ZNF711: variants seen among roughly 807,000 people sequenced by gnomAD.
ZNF711 encodes ZFX family zinc finger ZNF711, also known as zinc finger protein 711.
In ZNF711, 3 loss-of-function variants were observed where a neutral mutation model predicts 43.5. The ratio of observed to expected loss-of-function variants is 0.07; its 90% confidence interval spans 0.03 to 0.18. The LOEUF (loss-of-function observed/expected upper bound fraction) is 0.18, where lower values mean the gene tolerates loss of function less well. Among genes scored for constraint, ZNF711 ranks in the 10% least tolerant of loss-of-function variants. The pLI, the probability that ZNF711 is intolerant of heterozygous loss-of-function variation, is 1.00. For missense variants in ZNF711, 412 were observed against 604.0 expected, an observed-to-expected ratio of 0.68 and a Z score of 3.33; for synonymous variants, 209 against 207.7, an observed-to-expected ratio of 1.01 and a Z score of -0.06.
At position 85,264,300 on chromosome X, in the gene ZNF711, G is replaced by A; in HGVS notation, c.648G>A (p.Glu216=). 8.3e-7 allele frequency: 1 copy of A among 1,203,153 alleles called. No homozygotes were observed. Among genetic ancestry groups the A allele is most frequent in the Non-Finnish European group, 1.1e-6 (1 of 888,730 alleles). The stretch of plus-strand genomic sequence containing the variant: ...TGGATGATGTTGGAGAAAAATTAGA[G>A]CATATGGGGAATACACCATTAAAAA... ...ISLDDVGEKL[E]HMGNTPLKIG... The change falls in exon 6 of 11, where the codon GAG becomes GAA. Residue 216 remains glutamate (E), a synonymous_variant. Transcript: ENST00000674551.
intron 4 of ZNF711, among the ~76,000 whole-genome samples, chrX:85,250,264 G>A (rs1258637639): frequency 9.0e-6 from 1 of 111,291 alleles, no homozygotes; most frequent in Non-Finnish European, 1.9e-5. Context: ...GAGCCTCTTG[G>A]AATTTTTTTT....
At position 85,270,166 on chromosome X, in the gene ZNF711, A is replaced by G. The variant is rs373050303; in HGVS notation, c.1246+20A>G. The G allele has an allele frequency of 5.9e-4, 701 of 1,192,953 alleles. No homozygotes were observed. The highest frequency in any genetic ancestry group is 7.5e-4 in the Non-Finnish European group (664 of 885,344). On this transcript the variant is annotated intron_variant, in intron 10 of 10. Coordinates refer to ENST00000674551, the MANE Select transcript of ZNF711 (RefSeq NM_001330574.2). ...AAACAGGTAAATACTTTGCTTTATGAATATTATAATTATTTGAGATGTGGA... is the reference window on the plus strand; with the variant it reads ...AAACAGGTAAATACTTTGCTTTATGGATATTATAATTATTTGAGATGTGGA...
chrX:85,270,896 A>T lies in ZNF711; in HGVS notation c.1492A>T (p.Thr498Ser). Residue 498 changes from threonine (T) to serine (S), a missense_variant, in exon 11 of 11, where the codon ACA (threonine) becomes TCA (serine). Thr to Ser is a moderately conservative substitution (Grantham distance 58). Around this residue, in one of 4 missense-constraint regions of ZNF711, gnomAD observed 375 missense variants for 514.2 expected, o/e 0.73. Transcript: ENST00000674551. ...VDKTHEFTEY[T>S]RRYREASPLS... Reference sequence around the variant, plus strand: ...CAAAACCCATGAATTTACAGAATACACACGAAGATACAGAGAGGCTAGTCC... The same window carrying T: ...CAAAACCCATGAATTTACAGAATACTCACGAAGATACAGAGAGGCTAGTCC... 1 of 1,210,406 alleles carries T rather than the reference A, an allele frequency of 8.3e-7. No homozygotes were observed. The highest frequency in any genetic ancestry group is 1.7e-5 in the African/African-American group (1 of 57,782).
chrX:85,261,607 T>A (rs1569266275), intron 5 of ZNF711, among the ~76,000 whole-genome samples: 1 of 111,378 alleles, frequency 9.0e-6, no homozygotes, highest in Non-Finnish European at 1.9e-5. Context: ...TACCTAACTT[T>A]TAAAAAGGAA....
At chrX:85,245,351 A>T (rs1928947804) in intron 1 of ZNF711, among the ~76,000 whole-genome samples, 2 of 112,552 alleles carry the variant, frequency 1.8e-5, no homozygotes, top group Non-Finnish European at 3.7e-5. Flanking sequence ...TGTGAGATAC[A>T]CTTAGAGAAG....
At chrX:85,264,189 C>A in intron 5 of ZNF711, 86 bp from the exon 6 acceptor site, 1 of 740,172 alleles carries the variant, frequency 1.4e-6, no homozygotes. Context: ...AGCTTAACAC[C>A]CACTAAATAG....
At chrX:85,246,403 A>G (rs1349357940) in intron 2 of ZNF711, among the ~76,000 whole-genome samples, 4 of 112,339 alleles carry the variant, frequency 3.6e-5, no homozygotes, top group Non-Finnish European at 7.5e-5. Flanking sequence ...TCTGTAGCAT[A>G]TTTATGTATA....
Position 85,270,030 on chromosome X carries a change from G to A in ZNF711, c.1130G>A (p.Ser377Asn), listed in dbSNP as rs1287937950. ...SGNTLDSALE[S>N]RSSTAAQYLQ... ...AATACTTTGGACTCAGCATTAGAAA[G>A]CAGAAGTAGTACAGCAGCACAGTAC... Residue 377 changes from serine to asparagine, a missense_variant, in exon 10 of 11, where the codon AGC (serine) becomes AAC (asparagine). This residue lies in a region of ZNF711 where 375 missense variants were observed against 514.2 expected (regional missense o/e 0.73). Transcript: ENST00000674551. 1 of 1,210,304 alleles carries A rather than the reference G, an allele frequency of 8.3e-7. No individual in the cohort carries two copies. Among genetic ancestry groups the A allele is most frequent in the Admixed American group, 2.2e-5 (1 of 45,868 alleles).
Position 85,268,291 on chromosome X carries a change from TAGGAGA to T in ZNF711, c.1055-2_1058del. The T allele has an allele frequency of 8.7e-7, 1 of 1,151,870 alleles. No homozygotes were observed. Among genetic ancestry groups the T allele is most frequent in the African/African-American group, 1.9e-5 (1 of 53,479 alleles). 94.9% of individuals were successfully genotyped at this position (1,151,870 alleles called of 1,213,427 possible). A position where few individuals can be genotyped will look rare whatever the true frequency, so the allele number is the denominator to read the frequency against. ...GTCTTTTTTTTTTTTTTTTTTTTTT[TAGGAGA>T]TGAAAGAAGAGTTTCCCGAAGGTAT... On this transcript the variant is annotated splice_acceptor_variant and coding_sequence_variant, in exon 9 of 11. Coordinates refer to ENST00000674551, the MANE Select transcript of ZNF711 (RefSeq NM_001330574.2). LOFTEE classifies it high-confidence loss of function.
chrX:85,255,160 T>G lies in ZNF711; in HGVS notation c.80-99T>G, dbSNP rs753002380. On this transcript the variant is annotated intron_variant, in intron 4 of 10. Transcript: ENST00000674551. Reference sequence around the variant, plus strand: ...AATGATTTATTTGGCCAAGATTACTTAATATTTAAGAAATATTTATAGCAT... The same window carrying G: ...AATGATTTATTTGGCCAAGATTACTGAATATTTAAGAAATATTTATAGCAT... 10 of 820,817 alleles carry G rather than the reference T, an allele frequency of 1.2e-5. No individual in the cohort carries two copies. The East Asian group carries it at 3.5e-4, about 28-fold the overall frequency. 67.6% of individuals were successfully genotyped at this position (820,817 alleles called of 1,213,427 possible).
chrX:85,270,300 T>A (rs1348473703), intron 10 of ZNF711, among the ~76,000 whole-genome samples, 154 bp downstream of exon 10: 2 of 109,837 alleles, frequency 1.8e-5, no homozygotes, highest in Non-Finnish European at 3.8e-5. Flanking sequence ...TTTTTTACTT[T>A]GTGTGACTGG....
chrX:85,256,633 T>G (rs1569263573), intron 5 of ZNF711, among the ~76,000 whole-genome samples: 1 of 110,938 alleles, frequency 9.0e-6, no homozygotes, highest in Non-Finnish European at 1.9e-5. Flanking sequence ...TATCACCAGG[T>G]AGAGTGTGTG....
At chrX:85,258,508 C>A (rs1463165931) in intron 5 of ZNF711, among the ~76,000 whole-genome samples, 1 of 108,966 alleles carries the variant, frequency 9.2e-6, no homozygotes, top group African/African-American at 3.3e-5. Flanking sequence ...TACCTATTCC[C>A]CAAAAAGCTA....
intron 4 of ZNF711, among the ~76,000 whole-genome samples, chrX:85,248,171 T>A (rs750842907): frequency 1.6e-4 from 12 of 75,215 alleles, no homozygotes; most frequent in African/African-American, 4.5e-4. Flanking sequence ...CTTTTTTTTT[T>A]TTAAAAAAAA....
intron 5 of ZNF711, among the ~76,000 whole-genome samples, chrX:85,258,221 C>A (rs937772587): frequency 8.9e-6 from 1 of 111,781 alleles, no homozygotes; most frequent in African/African-American, 3.2e-5. Flanking sequence ...GAAATAATGG[C>A]ATTGCAGCAA....
At chrX:85,255,090 T>G (rs1403671868) in intron 4 of ZNF711, among the ~76,000 whole-genome samples, 169 bp from the exon 5 acceptor site, 1 of 112,233 alleles carries the variant, frequency 8.9e-6, no homozygotes, top group Non-Finnish European at 1.9e-5. Context: ...CAATTCCTGG[T>G]TGTTGGTGAT....
At chrX:85,268,175 T>G in intron 8 of ZNF711, 119 bp from the exon 9 acceptor site, 2 of 903,919 alleles carry the variant, frequency 2.2e-6, no homozygotes, top group Non-Finnish European at 3.0e-6. Context: ...CAATTTTTTT[T>G]AACCCAAGGA....
chrX:85,270,212 A>T lies in ZNF711; in HGVS notation c.1246+66A>T, dbSNP rs1931459521. 11 of 1,098,451 alleles carry T rather than the reference A, an allele frequency of 1.0e-5. No homozygotes were observed. In the South Asian group the frequency reaches 1.6e-4, roughly 16 times the overall value. The allele number at this position is 1,098,451 out of a possible 1,213,427, so 90.5% of individuals were successfully genotyped here. A position where few individuals can be genotyped will look rare whatever the true frequency, so the allele number is the denominator to read the frequency against. On this transcript the variant is annotated intron_variant, in intron 10 of 10. Coordinates refer to ENST00000674551, the MANE Select transcript of ZNF711 (RefSeq NM_001330574.2). ...GTGGAAGTATTTTTTGTCACCAAAG[A>T]AAAATATCGATGGTTTACTTGGCAG...
intron 4 of ZNF711, among the ~76,000 whole-genome samples, chrX:85,251,969 C>T (rs186360115): frequency 5.0e-4 from 56 of 111,481 alleles, no homozygotes; most frequent in South Asian, 1.1e-3. Context: ...TCGCACTCAC[C>T]TTATACAGTT....
Sources: allele counts gnomAD v4.1 joint callset (sites outside exome capture counted in the v4.1 genomes callset), GRCh38; gene constraint gnomAD v4.1.1; regional missense constraint gnomAD v4.1.1; transcripts MANE v1.5; gene names NCBI Gene and HGNC (gene_info 2026-07-23, HGNC 2026-07-21).